Variants in ZNF577 observed in about 807,000 individuals in gnomAD.
ZNF577 encodes the protein zinc finger protein 577.
ZNF577 carries 14 observed loss-of-function variants against 13.9 expected under a neutral mutation model. The observed-to-expected ratio is 1.00, with a 90% CI of 0.66 to 1.57. The LOEUF (loss-of-function observed/expected upper bound fraction) is 1.57, where lower values mean the gene tolerates loss of function less well. ZNF577 is among the 40% of genes most tolerant of loss of function. The probability of loss-of-function intolerance (pLI) is 0.00; values close to 1 mark genes in which losing one functional copy is unlikely to be tolerated. For missense variants in ZNF577, 555 were observed against 579.2 expected (o/e 0.96, Z 0.43); for synonymous variants, 203 against 202.9 (o/e 1.00, Z 0.00).
chr19:51,804,932 CAGTT>C (rs1330618245), exon 11 of ZNF577: 1 of 152,254 alleles, frequency 6.6e-6, no homozygotes, highest in African/African-American at 2.4e-5. Flanking sequence ...AAGAAGAGGT[CAGTT>C]GGTTGGTCCA....
In ZNF577 at chr19:51,824,086, T is replaced by A; in HGVS notation, c.*600-12412A>T. The A allele has an allele frequency of 6.2e-7, 1 of 1,614,156 alleles. No homozygotes were observed. Among genetic ancestry groups the A allele is most frequent in the Non-Finnish European group, 8.5e-7 (1 of 1,179,996 alleles). On this transcript the variant is annotated intron_variant and NMD_transcript_variant, in intron 9 of 10. Coordinates refer to the ZNF577 transcript ENST00000638827. This position sits in a 1 kb window ranked among gnomAD's most constrained non-coding sequence, Gnocchi z 4.7. Reference sequence around the variant, plus strand: ...ATAGACATCAACCTGTTTGTCAGTGTCTACCTGATCACCATCATTGCTCTG... The same window carrying A: ...ATAGACATCAACCTGTTTGTCAGTGACTACCTGATCACCATCATTGCTCTG...
intron 1 of ZNF577, among the ~76,000 whole-genome samples, chr19:51,884,942 C>G (rs2084920166): frequency 6.6e-6 from 1 of 152,142 alleles, no homozygotes; most frequent in Admixed American, 6.5e-5. Context: ...GTGAATAAAT[C>G]ATTTTGATAT....
At chr19:51,864,487 T>C (rs2084538089), downstream of ZNF577, among the ~76,000 whole-genome samples, 1 of 152,156 alleles carries the variant, frequency 6.6e-6, no homozygotes, top group African/African-American at 2.4e-5. Context: ...AGTAAAGGAC[T>C]GAGAGTATAT....
chr19:51,877,260 T>G, intron 5 of ZNF577, 22 bp downstream of exon 5: 1 of 1,602,098 alleles, frequency 6.2e-7, no homozygotes, highest in Middle Eastern at 1.7e-4. Flanking sequence ...TCTCCCCATT[T>G]TCTTAGTTTT....
Position 51,873,175 on chromosome 19 carries a change from C to T in ZNF577, c.815G>A (p.Cys272Tyr). The change falls in exon 6 of 6, where the codon TGC becomes TAC. Residue 272 changes from cysteine (C) to tyrosine (Y), a missense_variant. Cys to Tyr is a radical substitution (Grantham distance 194, BLOSUM62 -2). Coordinates refer to ENST00000638348, the MANE Select transcript of ZNF577 (RefSeq NM_001370449.1). ...AGAAAAGGCTTTCCCACACACACTG[C>T]ACCCATAGAGTTTCTCTCCAGTATG... Reference protein sequence around the residue: ...RSHTGEKLYGCSVCGKAFSQK... With the variant: ...RSHTGEKLYGYSVCGKAFSQK... 2.5e-6 allele frequency: 4 copies of T among 1,614,178 alleles called. No individual in the cohort carries two copies. The South Asian group carries it at 3.3e-5, about 13-fold the overall frequency.
intron 9 of ZNF577, among the ~76,000 whole-genome samples, chr19:51,827,144 T>C (rs1160189331): frequency 6.6e-6 from 1 of 152,156 alleles, no homozygotes; most frequent in African/African-American, 2.4e-5. Context: ...CTTTCATTAC[T>C]TTTCAGTCTC....
At chr19:51,821,146 T>C (rs1330237917) in intron 9 of ZNF577, among the ~76,000 whole-genome samples, 1 of 152,180 alleles carries the variant, frequency 6.6e-6, no homozygotes, top group African/African-American at 2.4e-5. Context: ...CAGTCTCACT[T>C]AATCCTCACC....
intron 9 of ZNF577, among the ~76,000 whole-genome samples, chr19:51,814,344 T>C (rs79142465): frequency 0.026 from 3,905 of 152,332 alleles, 165 homozygotes; most frequent in African/African-American, 0.089. Flanking sequence ...TAATTTTGTC[T>C]ATTAACTAAT....
At chr19:51,879,388 T>C (rs2084823689) in intron 3 of ZNF577, among the ~76,000 whole-genome samples, 1 of 151,692 alleles carries the variant, frequency 6.6e-6, no homozygotes, top group African/African-American at 2.4e-5. Context: ...GCCAACATGG[T>C]GAAACCCCCA....
intron 10 of ZNF577, chr19:51,811,419 C>T (rs2084095571): frequency 6.6e-6 from 1 of 152,162 alleles, no homozygotes; most frequent in African/African-American, 2.4e-5. Flanking sequence ...AGAAAACTTC[C>T]CATTCCCAGT....
At chr19:51,886,225 T>A (rs1599881492) in intron 1 of ZNF577, 1 of 152,194 alleles carries the variant, frequency 6.6e-6, no homozygotes, top group East Asian at 1.9e-4. Flanking sequence ...AGAGACCAAT[T>A]TCTCTTATAA....
chr19:51,848,475 G>A (rs1196318545), intron 5 of ZNF577, among the ~76,000 whole-genome samples: 1 of 152,148 alleles, frequency 6.6e-6, no homozygotes, highest in African/African-American at 2.4e-5. Context: ...CCCAAGATAT[G>A]GAATCTTTCT....
At position 51,872,932 on chromosome 19, in the gene ZNF577, G is replaced by C. The variant is rs190188665; in HGVS notation, c.1058C>G (p.Pro353Arg). Residue 353 changes from proline to arginine, a missense_variant, in exon 6 of 6, where the codon CCA becomes CGA. Physicochemically the swap from Pro to Arg is moderately radical, Grantham distance 103. Transcript: ENST00000638348. ...TTTGCCACATTCTCTGCATGAATAT[G>C]GTCTCTCTCCAGTGTGAGTACGCTG... ...QHQRTHTGER[P>R]YSCRECGKAF... 3 of 1,614,170 alleles carry C rather than the reference G, an allele frequency of 1.9e-6. No individual in the cohort carries two copies. Among genetic ancestry groups the C allele is most frequent in the East Asian group, 2.2e-5 (1 of 44,878 alleles).
downstream of ZNF577, among the ~76,000 whole-genome samples, chr19:51,866,997 GGAA>G (rs1407859006): frequency 3.7e-5 from 5 of 133,340 alleles, no homozygotes; most frequent in African/African-American, 1.4e-4. Context: ...AGAGAGAAAA[GGAA>G]GAAGGAAAGA....
chr19:51,876,926 CAAA>C (rs536127907), intron 5 of ZNF577, among the ~76,000 whole-genome samples: 2 of 60,832 alleles, frequency 3.3e-5, no homozygotes, highest in African/African-American at 5.2e-5. Flanking sequence ...GACTCCGTCT[CAAA>C]AAAAAAAAAA....
At chr19:51,823,693 A>T (rs991733070) in intron 9 of ZNF577, 27 of 1,397,696 alleles carry the variant, frequency 1.9e-5, no homozygotes, top group Non-Finnish European at 2.9e-6. Context: ...GTTGTATTGT[A>T]AGATGGTGTC....
At chr19:51,823,717 G>A (rs1209284574) in intron 9 of ZNF577, 3 of 1,514,654 alleles carry the variant, frequency 2.0e-6, no homozygotes, top group South Asian at 2.6e-5. Context: ...GCTGAGAAAT[G>A]GCCATTGCTG....
At chr19:51,878,198 C>T (rs957841879) in intron 4 of ZNF577, 191 bp downstream of exon 4, 12 of 437,422 alleles carry the variant, frequency 2.7e-5, no homozygotes, top group Middle Eastern at 6.8e-4. Flanking sequence ...ACACTATGTG[C>T]GCGAATGCAT....
intron 9 of ZNF577, among the ~76,000 whole-genome samples, chr19:51,823,446 T>C (rs1356704416): frequency 6.6e-6 from 1 of 152,164 alleles, no homozygotes; most frequent in Non-Finnish European, 1.5e-5. Context: ...CTATGCTCAA[T>C]TTTCCATTGT....
Sources: allele counts gnomAD v4.1 joint callset (sites outside exome capture counted in the v4.1 genomes callset), GRCh38; gene constraint gnomAD v4.1.1; non-coding constraint Gnocchi (gnomAD v3.1); transcripts MANE v1.5; gene names NCBI Gene and HGNC (gene_info 2026-07-23, HGNC 2026-07-21).